The following SHROOM3 variants were observed in gnomAD, a reference collection of about 807,000 sequenced individuals.
The protein encoded by SHROOM3 is protein Shroom3.
A neutral mutation model predicts 138.6 loss-of-function variants in SHROOM3; 47 were observed. That is an observed-to-expected ratio of 0.34 (90% CI 0.27 to 0.43). The LOEUF is 0.43. Ranked by LOEUF, SHROOM3 falls within the 20% of genes least tolerant of loss-of-function variation. The pLI, the probability that SHROOM3 is intolerant of heterozygous loss-of-function variation, is 1.00. For synonymous variants in SHROOM3, 1,062 were observed against 1,063.3 expected, an observed-to-expected ratio of 1.00 and a Z score of 0.02; for missense variants, 2,491 against 2,596.5, an observed-to-expected ratio of 0.96 and a Z score of 0.88.
At chr4:76,528,315 T>G (rs533422405) in intron 1 of SHROOM3, among the ~76,000 whole-genome samples, 1 of 149,614 alleles carries the variant, frequency 6.7e-6, no homozygotes, top group African/African-American at 2.5e-5. Flanking sequence ...ACTTAGTCTT[T>G]CTTTCTTTCC....
intron 1 of SHROOM3, among the ~76,000 whole-genome samples, chr4:76,442,549 A>G (rs1730716213): frequency 1.3e-5 from 2 of 151,806 alleles, no homozygotes; most frequent in Non-Finnish European, 2.9e-5. Flanking sequence ...AGCAGGGACT[A>G]TAGGCGTCCG....
chr4:76,578,771 A>C (rs1193470620), intron 2 of SHROOM3, among the ~76,000 whole-genome samples: 1 of 152,196 alleles, frequency 6.6e-6, no homozygotes, highest in East Asian at 1.9e-4. Context: ...TGTATGTTAC[A>C]CTTTAATAAA....
At chr4:76,547,104 T>G (rs944920051) in intron 1 of SHROOM3, among the ~76,000 whole-genome samples, 1 of 152,144 alleles carries the variant, frequency 6.6e-6, no homozygotes, top group Non-Finnish European at 1.5e-5. Context: ...ACCACTATAA[T>G]AGGTTCAGAG....
intron 2 of SHROOM3, among the ~76,000 whole-genome samples, chr4:76,657,304 G>A (rs1207602746): frequency 6.6e-6 from 1 of 152,132 alleles, no homozygotes; most frequent in African/African-American, 2.4e-5. Context: ...ATGGTGAGAA[G>A]TCTTAATCTA....
At chr4:76,478,523 C>T (rs1305346174) in intron 1 of SHROOM3, among the ~76,000 whole-genome samples, 2 of 152,212 alleles carry the variant, frequency 1.3e-5, no homozygotes, top group African/African-American at 4.8e-5. Flanking sequence ...GACAGAGCAC[C>T]TGGGGGAAGG....
At chr4:76,579,979 G>A (rs865933117) in intron 2 of SHROOM3, among the ~76,000 whole-genome samples, 1 of 152,154 alleles carries the variant, frequency 6.6e-6, no homozygotes, top group Admixed American at 6.5e-5. Flanking sequence ...TTGTTTGTAC[G>A]TATCTCCTGT....
chr4:76,489,813 G>T (rs1731812150), intron 1 of SHROOM3, among the ~76,000 whole-genome samples: 1 of 152,168 alleles, frequency 6.6e-6, no homozygotes, highest in African/African-American at 2.4e-5. Context: ...TGTGTCACCG[G>T]TATGATGGTC....
chr4:76,708,323 A>C (rs892228998), intron 2 of SHROOM3, among the ~76,000 whole-genome samples: 1 of 151,840 alleles, frequency 6.6e-6, no homozygotes, highest in Non-Finnish European at 1.5e-5. Flanking sequence ...GGCATCTCCC[A>C]GGAAGGAGAA....
chr4:76,739,036 A>G lies in SHROOM3; in HGVS notation c.863A>G (p.Asn288Ser), dbSNP rs1358209759. Residue 288 changes from asparagine to serine, a missense_variant, in exon 5 of 11, where the codon AAT becomes AGT. Around this residue, in one of 4 missense-constraint regions of SHROOM3, gnomAD observed 1,733 missense variants for 1,661.6 expected, o/e 1.04. Coordinates refer to ENST00000296043, the MANE Select transcript of SHROOM3 (RefSeq NM_020859.4). The stretch of plus-strand genomic sequence containing the variant: ...CGGGAGCGTTCAGGCTCCATGGACA[A>G]TACTTCTGCTCGAGGTGGCCTCCTC... ...SGRERSGSMD[N>S]TSARGGLLEG... The G allele has an allele frequency of 6.2e-7, 1 of 1,614,234 alleles. No homozygotes were observed. Among genetic ancestry groups the G allele is most frequent in the Admixed American group, 1.7e-5 (1 of 60,034 alleles).
intron 6 of SHROOM3, among the ~76,000 whole-genome samples, chr4:76,753,881 G>A (rs928670931): frequency 6.6e-6 from 1 of 152,186 alleles, no homozygotes; most frequent in Admixed American, 6.5e-5. Flanking sequence ...CCCCCGTGGG[G>A]ATCGCACTGG....
intron 1 of SHROOM3, among the ~76,000 whole-genome samples, chr4:76,536,127 T>C (rs997159257): frequency 6.6e-6 from 1 of 152,228 alleles, no homozygotes; most frequent in African/African-American, 2.4e-5. Context: ...AATGGCACTA[T>C]TGAATAAAGC....
Position 76,651,401 on chromosome 4 carries a change from AATATATATATATATATATATAT to A in SHROOM3, c.324-58731_324-58710del, listed in dbSNP as rs33994270. On this transcript the variant is annotated intron_variant, in intron 2 of 10. Transcript: ENST00000296043. ...ATTAACACATCTCATGTAACCCATA[AATATATATATATATATATATAT>A]ATATATATATATATATATATATACC... Among the ~76,000 whole-genome samples, 509 of 86,762 alleles carry A rather than the reference AATATATATATATATATATATAT, an allele frequency of 5.9e-3. 17 individuals are homozygous for A. The highest frequency in any genetic ancestry group is 0.019 in the African/African-American group (451 of 23,754). 56.9% of individuals were successfully genotyped at this position (86,762 alleles called of 152,430 possible).
chr4:76,649,876 C>G (rs1560579759), intron 2 of SHROOM3, among the ~76,000 whole-genome samples: 1 of 152,128 alleles, frequency 6.6e-6, no homozygotes, highest in South Asian at 2.1e-4. Flanking sequence ...GCAGCCATAA[C>G]AAAATACCAC....
At chr4:76,544,839 G>A (rs984847786) in intron 1 of SHROOM3, among the ~76,000 whole-genome samples, 2 of 152,204 alleles carry the variant, frequency 1.3e-5, no homozygotes, top group African/African-American at 4.8e-5. Flanking sequence ...TGGAGCTGGT[G>A]CTAAACTGCA....
intron 2 of SHROOM3, among the ~76,000 whole-genome samples, chr4:76,694,285 C>G (rs1719658854): frequency 6.6e-6 from 1 of 152,146 alleles, no homozygotes; most frequent in South Asian, 2.1e-4. Context: ...ACACTCCAGC[C>G]ACAAGTGTGA....
In SHROOM3 at chr4:76,735,563, G is replaced by C. The variant is rs1010781591; in HGVS notation, c.588-3198G>C. On this transcript the variant is annotated intron_variant, in intron 4 of 10. Coordinates refer to ENST00000296043, the MANE Select transcript of SHROOM3 (RefSeq NM_020859.4). Reference sequence around the variant, plus strand: ...CTATATTTTAAGATATGTTAGGCTGGGCACGGTGGCTCACGCCTGTAATCC... The same window carrying C: ...CTATATTTTAAGATATGTTAGGCTGCGCACGGTGGCTCACGCCTGTAATCC... Among the ~76,000 whole-genome samples the C allele has an allele frequency of 4.0e-5, 6 of 151,850 alleles. No individual in the cohort carries two copies. In the South Asian group the frequency reaches 1.0e-3, roughly 26 times the overall value.
chr4:76,780,619 A>G lies in SHROOM3; in HGVS notation c.*1442A>G, dbSNP rs1722709557. 1 of 151,982 alleles carries G rather than the reference A, an allele frequency of 6.6e-6. No homozygotes were observed. Among genetic ancestry groups the G allele is most frequent in the South Asian group, 2.1e-4 (1 of 4,824 alleles). The allele number at this position is 151,982 out of a possible 1,614,324, so 9.4% of individuals were successfully genotyped here. A position where few individuals can be genotyped will look rare whatever the true frequency, so the allele number is the denominator to read the frequency against. On this transcript the variant is annotated 3_prime_UTR_variant, in exon 11 of 11. Coordinates refer to ENST00000296043, the MANE Select transcript of SHROOM3 (RefSeq NM_020859.4). ...ATTACTTAATGAAGTTTTATCTCCT[A>G]TGTAAGAATATCAAAATTGTAGTTT...
chr4:76,569,773 G>T (rs567690274), intron 2 of SHROOM3, among the ~76,000 whole-genome samples: 1 of 150,860 alleles, frequency 6.6e-6, no homozygotes, highest in African/African-American at 2.4e-5. Context: ...TATTTAACTC[G>T]CAAATCCTTT....
At chr4:76,775,468 A>T (rs947155015) in intron 10 of SHROOM3, among the ~76,000 whole-genome samples, 3 of 152,122 alleles carry the variant, frequency 2.0e-5, no homozygotes, top group Non-Finnish European at 4.4e-5. Flanking sequence ...TAGTACAACC[A>T]CTATGGAAAA....
Sources: allele counts gnomAD v4.1 joint callset (sites outside exome capture counted in the v4.1 genomes callset), GRCh38; gene constraint gnomAD v4.1.1; regional missense constraint gnomAD v4.1.1; transcripts MANE v1.5; gene names NCBI Gene and HGNC (gene_info 2026-07-23, HGNC 2026-07-21).